The following DLG2 variants were observed in gnomAD, a reference collection of about 807,000 sequenced individuals.
DLG2 encodes disks large homolog 2.
In DLG2, 45 loss-of-function variants were observed where a neutral mutation model predicts 132.5. That is an observed-to-expected ratio of 0.34 (90% CI 0.27 to 0.44). The LOEUF (loss-of-function observed/expected upper bound fraction) is 0.44. Among genes scored for constraint, DLG2 ranks in the 20% least tolerant of loss-of-function variants. DLG2 has a pLI of 1.00. For missense variants in DLG2, 1,045 were observed against 1,196.9 expected (o/e 0.87, Z 1.87); for synonymous variants, 424 against 419.6 (o/e 1.01, Z -0.13).
At chr11:84,861,294 G>C (rs1462018686) in intron 6 of DLG2, among the ~76,000 whole-genome samples, 1 of 152,088 alleles carries the variant, frequency 6.6e-6, no homozygotes, top group Admixed American at 6.6e-5. Flanking sequence ...GGGCCTGAGA[G>C]AAGTTTGTAG....
At chr11:84,553,742 CG>C (rs2154524681) in intron 6 of DLG2, among the ~76,000 whole-genome samples, 1 of 152,216 alleles carries the variant, frequency 6.6e-6, no homozygotes, top group South Asian at 2.1e-4. Context: ...CAGTCTTAAA[CG>C]GTTGTGTTAG....
chr11:83,990,840 A>T (rs945930832), intron 11 of DLG2, among the ~76,000 whole-genome samples: 6 of 152,132 alleles, frequency 3.9e-5, no homozygotes, highest in Non-Finnish European at 5.9e-5. Flanking sequence ...TACAGAAAGC[A>T]CTAGTAGTTT....
chr11:84,281,425 CTTTT>C (rs201367147), intron 7 of DLG2, among the ~76,000 whole-genome samples: 2 of 151,028 alleles, frequency 1.3e-5, no homozygotes, highest in African/African-American at 4.9e-5. Context: ...ACAAATAACT[CTTTT>C]TTTTTGTCTT....
intron 18 of DLG2, chr11:83,786,477 T>A (rs984091091): frequency 1.9e-6 from 1 of 514,438 alleles, no homozygotes; most frequent in African/African-American, 1.9e-5. Context: ...CATATTTTCA[T>A]AGGCCTTTCT....
chr11:83,947,783 A>T (rs1292581380), intron 14 of DLG2, among the ~76,000 whole-genome samples: 1 of 152,012 alleles, frequency 6.6e-6, no homozygotes, highest in Non-Finnish European at 1.5e-5. Flanking sequence ...GTGAGCCCAG[A>T]CTCTTTTGAG....
chr11:83,980,230 G>C (rs12280070), intron 12 of DLG2, among the ~76,000 whole-genome samples: 12,638 of 152,138 alleles, frequency 0.083, 610 homozygotes, highest in South Asian at 0.13. Context: ...GAGAGAGACA[G>C]ATCTCTCTCT....
At chr11:83,626,582 G>A (rs1232957254) in intron 19 of DLG2, among the ~76,000 whole-genome samples, 2 of 152,192 alleles carry the variant, frequency 1.3e-5, no homozygotes, top group South Asian at 2.1e-4. Context: ...GTCTCAGGTA[G>A]TAGCAACTTT....
chr11:84,656,875 C>A (rs1565578263), intron 6 of DLG2, among the ~76,000 whole-genome samples: 1 of 152,122 alleles, frequency 6.6e-6, no homozygotes, highest in East Asian at 1.9e-4. Flanking sequence ...TTCTCTACCC[C>A]CCAACAAGTT....
At chr11:83,516,153 G>A (rs2095285129) in intron 21 of DLG2, among the ~76,000 whole-genome samples, 2 of 152,102 alleles carry the variant, frequency 1.3e-5, no homozygotes, top group African/African-American at 4.8e-5. Context: ...TTATTCTGTG[G>A]GAGTGTAAGT....
intron 18 of DLG2, among the ~76,000 whole-genome samples, chr11:83,672,110 T>C (rs536847465): frequency 1.3e-5 from 2 of 152,108 alleles, no homozygotes; most frequent in East Asian, 1.9e-4. Flanking sequence ...TGTAGAAACA[T>C]TGAGGCCTTC....
chr11:83,897,765 C>T (rs2072197324), intron 15 of DLG2, among the ~76,000 whole-genome samples: 1 of 152,034 alleles, frequency 6.6e-6, no homozygotes, highest in African/African-American at 2.4e-5. Context: ...CCTCATTCAG[C>T]TTGCCTTGTC....
chr11:85,023,171 C>T (rs2060226661), intron 6 of DLG2, among the ~76,000 whole-genome samples: 1 of 151,866 alleles, frequency 6.6e-6, no homozygotes, highest in Admixed American at 6.6e-5. Context: ...AAGAAGGGTG[C>T]TTTATTTGTA....
At chr11:84,795,576 C>T (rs2074478446) in intron 6 of DLG2, among the ~76,000 whole-genome samples, 1 of 152,108 alleles carries the variant, frequency 6.6e-6, no homozygotes, top group Admixed American at 6.5e-5. Context: ...GTCTGTGTAC[C>T]TAGACAGGGG....
At position 84,183,090 on chromosome 11, in the gene DLG2, A is replaced by C. The variant is rs376239820; in HGVS notation, c.574-19579T>G. 3.3e-5 allele frequency among the ~76,000 whole-genome samples: 5 copies of C among 152,186 alleles called. No individual in the cohort carries two copies. The East Asian group carries it at 9.6e-4, about 29-fold the overall frequency. ...TTATATCTATTGAAGAAATTGAATC[A>C]ATAATTAATAACCTTCCCAAACAGA... On this transcript the variant is annotated intron_variant, in intron 8 of 27. Coordinates refer to ENST00000376104, the MANE Select transcript of DLG2 (RefSeq NM_001142699.3).
chr11:84,358,493 GT>G (rs1181469681), intron 7 of DLG2, among the ~76,000 whole-genome samples: 6 of 149,780 alleles, frequency 4.0e-5, no homozygotes, highest in African/African-American at 1.5e-4. Flanking sequence ...ATGATTCTCT[GT>G]TTTCAACTCT....
At chr11:84,609,223 G>A (rs1054106070) in intron 6 of DLG2, among the ~76,000 whole-genome samples, 2 of 152,134 alleles carry the variant, frequency 1.3e-5, no homozygotes, top group Admixed American at 6.6e-5. Context: ...TCATGGGTAA[G>A]TTAGTTAACC....
intron 16 of DLG2, among the ~76,000 whole-genome samples, chr11:83,858,487 A>C (rs1431828389): frequency 2.6e-5 from 4 of 152,198 alleles, no homozygotes; most frequent in Non-Finnish European, 5.9e-5. Context: ...TCCTGGTCAG[A>C]AAATTAGGAG....
chr11:83,974,191 T>C (rs370183362), intron 12 of DLG2, among the ~76,000 whole-genome samples: 1 of 152,200 alleles, frequency 6.6e-6, no homozygotes, highest in East Asian at 1.9e-4. Context: ...ATCCCATTCA[T>C]TATTCAGATA....
chr11:85,185,788 A>T (rs928745836), intron 4 of DLG2, among the ~76,000 whole-genome samples: 11 of 151,902 alleles, frequency 7.2e-5, no homozygotes, highest in African/African-American at 2.7e-4. Flanking sequence ...TATATTACAT[A>T]TTAAGCATTA....
Sources: gnomAD v4.1 joint callset for allele counts (sites outside exome capture counted in the v4.1 genomes callset) on GRCh38, gnomAD v4.1.1 for gene constraint, MANE v1.5 for transcripts, NCBI Gene and HGNC (gene_info 2026-07-23, HGNC 2026-07-21) for gene names.